The following FGF14 variants were observed in gnomAD, a reference collection of about 807,000 sequenced individuals.
FGF14 encodes fibroblast growth factor 14, also known as fibroblast growth factor homologous factor 4.
FGF14 carries 5 observed loss-of-function variants against 25.5 expected under a neutral mutation model. The ratio of observed to expected loss-of-function variants is 0.20; its 90% CI spans 0.10 to 0.41. The LOEUF is 0.41. FGF14 is among the 10% of genes least tolerant of loss of function. The probability of loss-of-function intolerance (pLI) is 1.00; values close to 1 mark genes in which losing one functional copy is unlikely to be tolerated. For synonymous variants in FGF14, 138 were observed against 118.3 expected, an observed-to-expected ratio of 1.17 and a Z score of -1.08; for missense variants, 222 against 320.1, an observed-to-expected ratio of 0.69 and a Z score of 2.34.
At chr13:102,164,883 T>C (rs1178518308) in intron 1 of FGF14, among the ~76,000 whole-genome samples, 1 of 152,216 alleles carries the variant, frequency 6.6e-6, no homozygotes, top group Non-Finnish European at 1.5e-5. Flanking sequence ...TATTTTCTTT[T>C]ACTTAAAAGT....
intron 1 of FGF14, among the ~76,000 whole-genome samples, chr13:102,221,220 C>G (rs893594042): frequency 6.6e-6 from 1 of 152,104 alleles, no homozygotes; most frequent in African/African-American, 2.4e-5. Context: ...ATGGAGACAA[C>G]TCTTATCAAA....
At chr13:102,334,291 A>G (rs1401053963) in intron 1 of FGF14, among the ~76,000 whole-genome samples, 1 of 152,176 alleles carries the variant, frequency 6.6e-6, no homozygotes, top group Non-Finnish European at 1.5e-5. Context: ...TGATAGACAT[A>G]TAGGTGGGTA....
chr13:102,328,705 A>G (rs1275262774), intron 1 of FGF14, among the ~76,000 whole-genome samples: 1 of 152,260 alleles, frequency 6.6e-6, no homozygotes, highest in Non-Finnish European at 1.5e-5. Flanking sequence ...TGAGTTCCTT[A>G]GTATAAATAT....
In FGF14 at chr13:101,916,760, G is replaced by T; in HGVS notation, c.-115C>A. The T allele has an allele frequency of 1.1e-6, 1 of 895,238 alleles. No individual in the cohort carries two copies. The highest frequency in any genetic ancestry group is 1.6e-6 in the Non-Finnish European group (1 of 611,096). The allele number at this position is 895,238 out of a possible 1,614,324, so 55.5% of individuals were successfully genotyped here. On this transcript the variant is annotated 5_prime_UTR_variant, in exon 1 of 5. Coordinates refer to ENST00000376143, the MANE Select transcript of FGF14 (RefSeq NM_004115.4). ...GCTCGCCCTCGGGGCAGAGGAGGGG[G>T]TGCCAGGCGGGACTGGGGAGAGGGG...
In FGF14 at chr13:101,916,445, CCA is replaced by C. The variant is rs754193672; in HGVS notation, c.193+6_193+7del. 6.2e-7 allele frequency: 1 copy of C among 1,613,938 alleles called. No homozygotes were observed. Among genetic ancestry groups the C allele is most frequent in the Admixed American group, 1.7e-5 (1 of 60,030 alleles). On this transcript the variant is annotated splice_donor_region_variant and intron_variant, in intron 1 of 4. Coordinates refer to ENST00000376143, the MANE Select transcript of FGF14 (RefSeq NM_004115.4). ...GGGGCGCATCTCCCGACCATGACCC[CCA>C]CAGACCTTGGCGCCGCAACCTGCGC...
intron 1 of FGF14, among the ~76,000 whole-genome samples, chr13:102,115,678 T>C (rs1208017767): frequency 6.6e-6 from 1 of 152,124 alleles, no homozygotes; most frequent in Non-Finnish European, 1.5e-5. Context: ...TGAGAACTGC[T>C]TGAGTGGAGA....
At chr13:102,333,834 G>A (rs749586486) in intron 1 of FGF14, among the ~76,000 whole-genome samples, 29 of 152,160 alleles carry the variant, frequency 1.9e-4, no homozygotes, top group Admixed American at 8.5e-4. Context: ...CTTCCCATCA[G>A]AGAAATCACC....
At chr13:101,771,849 A>T (rs1241217413) in intron 3 of FGF14, among the ~76,000 whole-genome samples, 1 of 151,890 alleles carries the variant, frequency 6.6e-6, no homozygotes, top group Non-Finnish European at 1.5e-5. Context: ...AGGGATTAAA[A>T]TTTTTCTCTT....
At chr13:101,737,654 T>C (rs886437793) in intron 3 of FGF14, among the ~76,000 whole-genome samples, 2 of 152,214 alleles carry the variant, frequency 1.3e-5, no homozygotes, top group Non-Finnish European at 2.9e-5. Flanking sequence ...CTGGAGTCTA[T>C]GAATAAAAAT....
intron 3 of FGF14, among the ~76,000 whole-genome samples, chr13:101,734,036 A>ATGTG (rs891087345): frequency 2.0e-5 from 3 of 150,900 alleles, no homozygotes; most frequent in Non-Finnish European, 4.4e-5. Context: ...GTGTGTGTGC[A>ATGTG]TGTGTGTGTG....
chr13:101,896,083 G>A (rs2030621934), intron 1 of FGF14, among the ~76,000 whole-genome samples: 1 of 152,122 alleles, frequency 6.6e-6, no homozygotes, highest in Non-Finnish European at 1.5e-5. Flanking sequence ...CCCATGTACT[G>A]CTTGGTTCTC....
At chr13:102,279,461 C>G (rs1274140831) in intron 1 of FGF14, among the ~76,000 whole-genome samples, 1 of 152,128 alleles carries the variant, frequency 6.6e-6, no homozygotes, top group Non-Finnish European at 1.5e-5. Flanking sequence ...CCAGGGTTTG[C>G]TTCTTCACGT....
chr13:102,260,886 G>A (rs983734796), intron 1 of FGF14, among the ~76,000 whole-genome samples: 9 of 152,160 alleles, frequency 5.9e-5, no homozygotes, highest in Admixed American at 2.0e-4. Context: ...TGTCTCAACA[G>A]AGAAGTTACT....
intron 1 of FGF14, among the ~76,000 whole-genome samples, chr13:101,989,404 T>C (rs1031532713): frequency 6.6e-6 from 1 of 152,082 alleles, no homozygotes; most frequent in African/African-American, 2.4e-5. Flanking sequence ...GAATTCTATG[T>C]TGATTATAAA....
At chr13:101,748,517 T>A (rs2037045370) in intron 3 of FGF14, among the ~76,000 whole-genome samples, 1 of 151,446 alleles carries the variant, frequency 6.6e-6, no homozygotes, top group Admixed American at 6.6e-5. Flanking sequence ...ACAGATAAAT[T>A]CTTTAATGGG....
intron 1 of FGF14, among the ~76,000 whole-genome samples, chr13:102,204,739 G>A (rs997466278): frequency 6.6e-6 from 1 of 151,928 alleles, no homozygotes; most frequent in Non-Finnish European, 1.5e-5. Context: ...TAGAGATGGG[G>A]TTTCACCATG....
intron 1 of FGF14, among the ~76,000 whole-genome samples, chr13:102,304,439 C>T (rs912614336): frequency 1.3e-5 from 2 of 152,136 alleles, no homozygotes; most frequent in African/African-American, 4.8e-5. Flanking sequence ...ACCCTAAATA[C>T]ATTGAAATTG....
Position 101,973,234 on chromosome 13 carries a change from AG to A in FGF14, c.209-97939del, listed in dbSNP as rs1221153437. Among the ~76,000 whole-genome samples the A allele has an allele frequency of 2.6e-5, 4 of 152,080 alleles. No individual in the cohort carries two copies. The East Asian group carries it at 5.8e-4, about 22-fold the overall frequency. ...GTAGTACACAGGAAGGTTTAAAAAA[AG>A]TTATCCCCTTCCTCCAGAGGTCGTA... On this transcript the variant is annotated intron_variant, in intron 1 of 4. Coordinates refer to the FGF14 transcript ENST00000376131.
chr13:101,732,126 G>A (rs2035848378), intron 3 of FGF14, among the ~76,000 whole-genome samples: 1 of 152,160 alleles, frequency 6.6e-6, no homozygotes, highest in Admixed American at 6.5e-5. Flanking sequence ...TGAAGGAGGA[G>A]CTTCACCAGT....
Sources: allele counts gnomAD v4.1 joint callset (sites outside exome capture counted in the v4.1 genomes callset), GRCh38; gene constraint gnomAD v4.1.1; transcripts MANE v1.5; gene names NCBI Gene and HGNC (gene_info 2026-07-23, HGNC 2026-07-21).